Variants in ARHGAP6 observed in about 807,000 individuals in gnomAD.
ARHGAP6 encodes the protein Rho GTPase activating protein 6.
ARHGAP6 carries 16 observed loss-of-function variants against 55.7 expected under a neutral mutation model. The observed-to-expected ratio is 0.29, with a 90% CI of 0.19 to 0.44. ARHGAP6 has a LOEUF of 0.44. ARHGAP6 is among the 20% of genes least tolerant of loss of function. The pLI, the probability that ARHGAP6 is intolerant of heterozygous loss-of-function variation, is 1.00. For synonymous variants in ARHGAP6, 382 were observed against 360.9 expected, an observed-to-expected ratio of 1.06 and a Z score of -0.66; for missense variants, 698 against 808.9, an observed-to-expected ratio of 0.86 and a Z score of 1.66.
chrX:11,264,212 C>A (rs1289827056), intron 1 of ARHGAP6, among the ~76,000 whole-genome samples: 2 of 109,691 alleles, frequency 1.8e-5, no homozygotes, highest in African/African-American at 6.7e-5. Context: ...AGAAACATCC[C>A]AGAGAGCCTG....
chrX:11,297,970 TA>T, intron 1 of ARHGAP6: 1 of 662,234 alleles, frequency 1.5e-6, no homozygotes, highest in Non-Finnish European at 2.5e-6. Context: ...TAACCTTATC[TA>T]AAAAGTGAGA....
intron 9 of ARHGAP6, among the ~76,000 whole-genome samples, chrX:11,164,785 A>C (rs1184118939): frequency 1.8e-5 from 2 of 112,255 alleles, no homozygotes; most frequent in Non-Finnish European, 3.8e-5. Context: ...CCTAGTAAGA[A>C]TCGTTTAATA....
intron 2 of ARHGAP6, among the ~76,000 whole-genome samples, chrX:11,233,385 G>A (rs2047159661): frequency 1.8e-5 from 2 of 110,948 alleles, no homozygotes; most frequent in South Asian, 7.7e-4. Context: ...ACCTGGCTTT[G>A]AAGTGTGCCC....
chrX:11,189,130 G>A, intron 3 of ARHGAP6, 146 bp from the exon 4 acceptor site: 1 of 706,734 alleles, frequency 1.4e-6, no homozygotes, highest in Non-Finnish European at 2.0e-6. Context: ...GGTGACATTT[G>A]TGTTAATCAG....
chrX:11,460,748 G>A (rs1390555117), intron 1 of ARHGAP6, among the ~76,000 whole-genome samples: 2 of 111,622 alleles, frequency 1.8e-5, no homozygotes, highest in Non-Finnish European at 3.8e-5. Flanking sequence ...ACAGTCCTAG[G>A]AGCTAGACTA....
At chrX:11,216,479 C>A (rs976590938) in intron 2 of ARHGAP6, among the ~76,000 whole-genome samples, 8 of 111,270 alleles carry the variant, frequency 7.2e-5, no homozygotes, top group Non-Finnish European at 1.3e-4. Context: ...AATGGTGAAA[C>A]CCTGTCTCAC....
chrX:11,544,431 C>A (rs2051191890), intron 1 of ARHGAP6, among the ~76,000 whole-genome samples: 1 of 112,205 alleles, frequency 8.9e-6, no homozygotes, highest in Non-Finnish European at 1.9e-5. Flanking sequence ...TGCCAAAAAT[C>A]TGAGAGGCCT....
At chrX:11,267,991 A>G (rs1295355889) in intron 1 of ARHGAP6, among the ~76,000 whole-genome samples, 1 of 112,398 alleles carries the variant, frequency 8.9e-6, no homozygotes, top group East Asian at 2.8e-4. Flanking sequence ...AGTTTCGCTA[A>G]TCACAAAAAG....
intron 1 of ARHGAP6, among the ~76,000 whole-genome samples, chrX:11,476,432 T>G (rs1481497589): frequency 2.7e-5 from 3 of 111,742 alleles, no homozygotes; most frequent in African/African-American, 6.5e-5. Flanking sequence ...CAGTGTAATC[T>G]CAATCAAAAT....
At chrX:11,605,276 T>C (rs751084690) in intron 1 of ARHGAP6, among the ~76,000 whole-genome samples, 2 of 111,604 alleles carry the variant, frequency 1.8e-5, no homozygotes, top group African/African-American at 6.5e-5. Flanking sequence ...TGACGAAGCC[T>C]GACTAAGAGA....
intron 1 of ARHGAP6, among the ~76,000 whole-genome samples, chrX:11,548,628 T>A (rs80193266): frequency 5.9e-4 from 65 of 109,810 alleles, no homozygotes; most frequent in Admixed American, 2.7e-3. Flanking sequence ...CTTTTTTTTT[T>A]TTATTGAGAT....
chrX:11,576,499 T>A (rs1415112037), intron 1 of ARHGAP6, among the ~76,000 whole-genome samples: 1 of 111,864 alleles, frequency 8.9e-6, no homozygotes, highest in Non-Finnish European at 1.9e-5. Context: ...GCTGAGTTAA[T>A]TGCATCTTTG....
Position 11,466,688 on chromosome X carries a change from G to A in ARHGAP6, c.588+197553C>T, listed in dbSNP as rs756192772. 5.4e-5 allele frequency among the ~76,000 whole-genome samples: 6 copies of A among 111,157 alleles called. No individual in the cohort carries two copies. The South Asian group carries it at 2.3e-3, about 43-fold the overall frequency. ...CCAGGCTAATTTTTTGTTTCTTGTA[G>A]AGACGAGGTCTCTCTATGTTGCCCA... On this transcript the variant is annotated intron_variant, in intron 1 of 12. Transcript: ENST00000337414.
At chrX:11,175,008 C>G (rs1473904520) in intron 8 of ARHGAP6, among the ~76,000 whole-genome samples, 1 of 111,215 alleles carries the variant, frequency 9.0e-6, no homozygotes, top group African/African-American at 3.3e-5. Flanking sequence ...GCCATTCTTA[C>G]ATGGAAATGT....
chrX:11,606,940 C>T (rs991899328), intron 1 of ARHGAP6, among the ~76,000 whole-genome samples: 1 of 111,826 alleles, frequency 8.9e-6, no homozygotes, highest in Non-Finnish European at 1.9e-5. Flanking sequence ...TCTCTCAAGT[C>T]GGTTTCTTAT....
chrX:11,247,568 G>A (rs929170792), intron 2 of ARHGAP6, among the ~76,000 whole-genome samples: 3 of 112,011 alleles, frequency 2.7e-5, no homozygotes, highest in Admixed American at 9.5e-5. Flanking sequence ...AGGCATAGAC[G>A]AATTGTAAAT....
intron 1 of ARHGAP6, among the ~76,000 whole-genome samples, chrX:11,359,611 C>A (rs12006990): frequency 0.048 from 5,381 of 111,428 alleles, 129 homozygotes; most frequent in African/African-American, 0.097. Flanking sequence ...TAAGCCAGAG[C>A]AAACACATTC....
chrX:11,194,276 T>C (rs1474792736), intron 3 of ARHGAP6, among the ~76,000 whole-genome samples: 1 of 112,635 alleles, frequency 8.9e-6, no homozygotes, highest in Non-Finnish European at 1.9e-5. Context: ...AATAGCTAGC[T>C]GGACAACCCT....
chrX:11,224,042 C>T (rs2047010569), intron 2 of ARHGAP6, among the ~76,000 whole-genome samples: 1 of 111,922 alleles, frequency 8.9e-6, no homozygotes, highest in Non-Finnish European at 1.9e-5. Context: ...TATGTGAAGT[C>T]AGTTTTGGTT....
Sources: allele counts gnomAD v4.1 joint callset (sites outside exome capture counted in the v4.1 genomes callset), GRCh38; gene constraint gnomAD v4.1.1; transcripts MANE v1.5; gene names NCBI Gene and HGNC (gene_info 2026-07-23, HGNC 2026-07-21).